Variants in SH3RF3 observed in about 807,000 individuals in gnomAD.
SH3RF3 encodes E3 ubiquitin-protein ligase SH3RF3.
Under a neutral mutation model 66.3 loss-of-function variants are expected in SH3RF3, and 29 were observed. The ratio of observed to expected loss-of-function variants is 0.44; its 90% CI spans 0.33 to 0.60. The LOEUF is 0.60. Ranked by LOEUF, SH3RF3 falls within the 20% of genes least tolerant of loss-of-function variation. The pLI is 0.04. For synonymous variants in SH3RF3, 583 were observed against 532.0 expected (o/e 1.10, Z -1.32); for missense variants, 1,194 against 1,190.9 (o/e 1.00, Z -0.04).
intron 1 of SH3RF3, among the ~76,000 whole-genome samples, chr2:109,283,476 C>T (rs1680943715): frequency 6.6e-6 from 1 of 152,186 alleles, no homozygotes; most frequent in African/African-American, 2.4e-5. Context: ...CTGGTGACCA[C>T]AGAGACCCCT....
At chr2:109,235,331 AC>A (rs1679621270) in intron 1 of SH3RF3, among the ~76,000 whole-genome samples, 1 of 151,924 alleles carries the variant, frequency 6.6e-6, no homozygotes, top group African/African-American at 2.4e-5. Context: ...CTCTTCATCC[AC>A]CCTAGGGATC....
chr2:109,256,307 A>C (rs1053111556), intron 1 of SH3RF3, among the ~76,000 whole-genome samples: 1 of 152,178 alleles, frequency 6.6e-6, no homozygotes, highest in Non-Finnish European at 1.5e-5. Flanking sequence ...GGGGAAGTTG[A>C]CGCTGTGACG....
At chr2:109,132,343 A>G (rs947441994) in intron 1 of SH3RF3, among the ~76,000 whole-genome samples, 32 of 152,208 alleles carry the variant, frequency 2.1e-4, no homozygotes, top group African/African-American at 7.2e-4. Context: ...TTTATTTAAA[A>G]AAAAGTTTTA....
rs1205950641 is a variant in SH3RF3 at position 109,309,768 on chromosome 2, A to G, written c.574-37906A>G. Reference sequence around the variant, plus strand: ...AAGGCCATTATATAATGGTAAAGGGATCAATTCAACAAGAAGAGCTAACTA... The same window carrying G: ...AAGGCCATTATATAATGGTAAAGGGGTCAATTCAACAAGAAGAGCTAACTA... On this transcript the variant is annotated intron_variant, in intron 1 of 9. Coordinates refer to ENST00000309415, the MANE Select transcript of SH3RF3 (RefSeq NM_001099289.3). 9.6e-5 allele frequency among the ~76,000 whole-genome samples: 12 copies of G among 125,266 alleles called. 3 individuals carry two copies. Among genetic ancestry groups the G allele is most frequent in the African/African-American group, 4.8e-4 (12 of 25,092 alleles). The allele number at this position is 125,266 out of a possible 152,430, so 82.2% of individuals were successfully genotyped here. A position where few individuals can be genotyped will look rare whatever the true frequency, so the allele number is the denominator to read the frequency against.
intron 4 of SH3RF3, among the ~76,000 whole-genome samples, chr2:109,417,902 T>A (rs1024637663): frequency 6.6e-6 from 1 of 151,956 alleles, no homozygotes; most frequent in African/African-American, 2.4e-5. Context: ...GGTCAGTGAG[T>A]AATGAGAAAG....
At chr2:109,132,136 T>C (rs1289547124) in intron 1 of SH3RF3, among the ~76,000 whole-genome samples, 1 of 152,212 alleles carries the variant, frequency 6.6e-6, no homozygotes, top group African/African-American at 2.4e-5. Flanking sequence ...TGTTGTTTAA[T>C]AGAGGGGCAC....
At chr2:109,448,812 G>A (rs554556981) in intron 7 of SH3RF3, among the ~76,000 whole-genome samples, 4 of 152,218 alleles carry the variant, frequency 2.6e-5, no homozygotes, top group South Asian at 2.1e-4. Context: ...TCCACAAAAC[G>A]GGTCCTTGGT....
chr2:109,284,737 A>G (rs559999773), intron 1 of SH3RF3, among the ~76,000 whole-genome samples: 11 of 152,294 alleles, frequency 7.2e-5, no homozygotes, highest in African/African-American at 1.2e-4. Flanking sequence ...ACACCTCTGC[A>G]GGTGAAGTCC....
intron 5 of SH3RF3, among the ~76,000 whole-genome samples, chr2:109,431,060 C>T (rs1441970332): frequency 6.6e-6 from 1 of 152,234 alleles, no homozygotes; most frequent in Non-Finnish European, 1.5e-5. Flanking sequence ...TCCTGCTATT[C>T]CAGAATATTC....
intron 8 of SH3RF3, among the ~76,000 whole-genome samples, chr2:109,461,281 T>C (rs1055117800): frequency 3.9e-5 from 6 of 152,214 alleles, no homozygotes; most frequent in Admixed American, 2.6e-4. Context: ...GGTCAAGCAT[T>C]TAGTCTCTAC....
At chr2:109,169,392 T>A (rs541562103) in intron 1 of SH3RF3, among the ~76,000 whole-genome samples, 4 of 152,218 alleles carry the variant, frequency 2.6e-5, no homozygotes, top group African/African-American at 9.6e-5. Flanking sequence ...ATGATGGTGA[T>A]GATGTGGCTG....
chr2:109,333,570 T>C (rs1682336474), intron 1 of SH3RF3, among the ~76,000 whole-genome samples: 1 of 152,218 alleles, frequency 6.6e-6, no homozygotes, highest in Non-Finnish European at 1.5e-5. Flanking sequence ...TTACATGGAA[T>C]CTCTGGAGCT....
chr2:109,180,612 C>T (rs879647839), intron 1 of SH3RF3, among the ~76,000 whole-genome samples: 1 of 152,168 alleles, frequency 6.6e-6, no homozygotes, highest in Non-Finnish European at 1.5e-5. Context: ...AAATAAGTCT[C>T]ACGAGATCTG....
intron 2 of SH3RF3, among the ~76,000 whole-genome samples, chr2:109,358,650 G>A (rs1205286825): frequency 6.6e-6 from 1 of 152,170 alleles, no homozygotes; most frequent in Non-Finnish European, 1.5e-5. Context: ...TTGTTGTTGA[G>A]TTTTAAGAGT....
rs560343065 is a variant in SH3RF3, at chr2:109,303,630, G to A, written c.574-44044G>A. Among the ~76,000 whole-genome samples the A allele has an allele frequency of 1.5e-4, 23 of 152,354 alleles. No homozygotes were observed. The East Asian group carries it at 4.4e-3, about 29-fold the overall frequency. ...GGGCTGGCGAGACAAAGTCAGGGAG[G>A]CAACAGAGCCAGCTGGCAAGTGCAG... On this transcript the variant is annotated intron_variant, in intron 1 of 9. Coordinates refer to ENST00000309415, the MANE Select transcript of SH3RF3 (RefSeq NM_001099289.3).
chr2:109,198,888 A>G (rs1265749218), intron 1 of SH3RF3, among the ~76,000 whole-genome samples: 2 of 152,224 alleles, frequency 1.3e-5, no homozygotes, highest in Non-Finnish European at 2.9e-5. Flanking sequence ...CAGTTGAGAC[A>G]TAGTGGCAAA....
intron 3 of SH3RF3, among the ~76,000 whole-genome samples, chr2:109,382,403 C>T (rs956855514): frequency 1.3e-5 from 2 of 152,254 alleles, no homozygotes; most frequent in Admixed American, 6.5e-5. Context: ...GGCCCACCTG[C>T]GCCCAGCCCA....
chr2:109,243,880 A>G (rs975498573), intron 1 of SH3RF3, among the ~76,000 whole-genome samples: 1 of 152,166 alleles, frequency 6.6e-6, no homozygotes, highest in Non-Finnish European at 1.5e-5. Flanking sequence ...TGAGTGAGTA[A>G]ATAGATGAGT....
At chr2:109,450,136 A>G (rs1318609841) in intron 8 of SH3RF3, among the ~76,000 whole-genome samples, 1 of 152,136 alleles carries the variant, frequency 6.6e-6, no homozygotes, top group Non-Finnish European at 1.5e-5. Flanking sequence ...ACCTGAGGTC[A>G]GGAGTTTGAA....
Sources: allele counts gnomAD v4.1 joint callset (sites outside exome capture counted in the v4.1 genomes callset), GRCh38; gene constraint gnomAD v4.1.1; transcripts MANE v1.5; gene names NCBI Gene and HGNC (gene_info 2026-07-23, HGNC 2026-07-21).